The following CMSS1 variants were observed in gnomAD, a reference collection of about 807,000 sequenced individuals.
CMSS1 encodes protein CMSS1.
Under a neutral mutation model 43.5 loss-of-function variants are expected in CMSS1, and 33 were observed. That is an observed-to-expected ratio of 0.76 (90% CI 0.57 to 1.01). The LOEUF is 1.01. CMSS1 is among the 50% of genes least tolerant of loss of function. The pLI is 0.00. For synonymous variants in CMSS1, 115 were observed against 117.2 expected (o/e 0.98, Z 0.12); for missense variants, 313 against 326.4 (o/e 0.96, Z 0.32).
At chr3:100,117,674 A>G (rs549680701) in intron 1 of CMSS1, among the ~76,000 whole-genome samples, 1 of 151,694 alleles carries the variant, frequency 6.6e-6, no homozygotes, top group Non-Finnish European at 1.5e-5. Context: ...CTAATGTAAA[A>G]TATCTCAGTA....
chr3:99,984,606 C>G (rs960170041), intron 1 of CMSS1, among the ~76,000 whole-genome samples: 1 of 152,176 alleles, frequency 6.6e-6, no homozygotes, highest in South Asian at 2.1e-4. Context: ...CCAAAATTTC[C>G]CCCTTCAAGT....
intron 2 of CMSS1, among the ~76,000 whole-genome samples, chr3:100,151,855 G>T (rs938946722): frequency 1.3e-5 from 2 of 152,104 alleles, no homozygotes; most frequent in African/African-American, 4.8e-5. Flanking sequence ...CCAAAATCTT[G>T]TCATCTAAAT....
intron 1 of CMSS1, chr3:100,115,138 G>C: frequency 1.6e-6 from 1 of 619,116 alleles, no homozygotes; most frequent in South Asian, 1.8e-5. Context: ...GGGTTGGATA[G>C]AAGGGAGGAG....
chr3:100,085,844 A>T (rs561592587), intron 1 of CMSS1, among the ~76,000 whole-genome samples: 1 of 152,358 alleles, frequency 6.6e-6, no homozygotes, highest in Admixed American at 6.5e-5. Flanking sequence ...CTCGACTAGC[A>T]GGAAAAGAGG....
At chr3:100,117,827 A>ATG (rs1242035301) in intron 1 of CMSS1, among the ~76,000 whole-genome samples, 63 of 81,992 alleles carry the variant, frequency 7.7e-4, no homozygotes, top group African/African-American at 3.5e-3. Context: ...AAACTGCAGT[A>ATG]TATATATATA....
intron 1 of CMSS1, among the ~76,000 whole-genome samples, chr3:99,932,044 G>C (rs1310453161): frequency 6.6e-6 from 1 of 152,046 alleles, no homozygotes; most frequent in Non-Finnish European, 1.5e-5. Flanking sequence ...GAAAAGTATA[G>C]AAACCATAAC....
intron 1 of CMSS1, among the ~76,000 whole-genome samples, chr3:100,144,167 C>G (rs2066828120): frequency 6.6e-6 from 1 of 151,838 alleles, no homozygotes; most frequent in South Asian, 2.1e-4. Context: ...GGGGTTGGTC[C>G]CCTATCTTCC....
intron 1 of CMSS1, among the ~76,000 whole-genome samples, chr3:100,014,887 C>CTTTTTTTTTTTTTTTTTTTTTTTTTTTT (rs1559725867): frequency 9.2e-5 from 3 of 32,462 alleles, no homozygotes; most frequent in African/African-American, 1.2e-4. Context: ...TTTTTTTTTT[C>CTTTTTTTTTTTTTTTTTTTTTTTTTTTT]TTTCTTTCTT....
At chr3:100,173,225 G>A (rs904061418) in intron 8 of CMSS1, among the ~76,000 whole-genome samples, 17 of 152,140 alleles carry the variant, frequency 1.1e-4, no homozygotes, top group African/African-American at 4.1e-4. Flanking sequence ...CCCACTATAT[G>A]CAGAGTTTTG....
At chr3:100,091,688 C>T (rs2066112833) in intron 1 of CMSS1, among the ~76,000 whole-genome samples, 1 of 152,188 alleles carries the variant, frequency 6.6e-6, no homozygotes, top group African/African-American at 2.4e-5. Context: ...CTGTTTCTGC[C>T]ATCTCTGACA....
intron 1 of CMSS1, among the ~76,000 whole-genome samples, chr3:99,956,993 C>A (rs1350650050): frequency 2.6e-5 from 4 of 152,206 alleles, no homozygotes; most frequent in African/African-American, 9.6e-5. Flanking sequence ...AGGGCTCTAG[C>A]TGGATTTAAT....
intron 1 of CMSS1, among the ~76,000 whole-genome samples, chr3:100,026,708 A>G (rs1057085825): frequency 1.3e-5 from 2 of 152,070 alleles, no homozygotes; most frequent in African/African-American, 4.8e-5. Context: ...TCAGAATCTG[A>G]TCACTTCTTA....
chr3:100,041,862 C>T (rs760927058), intron 1 of CMSS1, among the ~76,000 whole-genome samples: 4 of 152,100 alleles, frequency 2.6e-5, no homozygotes, highest in Non-Finnish European at 5.9e-5. Flanking sequence ...AAGTATATCA[C>T]ATGCTGACCC....
intron 1 of CMSS1, among the ~76,000 whole-genome samples, chr3:99,908,871 ATTGTGTGTGTGTGTGTGTTC>A (rs1006769395): frequency 1.3e-5 from 2 of 151,850 alleles, no homozygotes; most frequent in African/African-American, 4.8e-5. Flanking sequence ...AAAAATTCCT[ATTGTGTGTGTGTGTGTGTTC>A]TTTCTTTTAA....
At chr3:100,172,454 A>G (rs763043140) in intron 8 of CMSS1, 51 bp downstream of exon 8, 11 of 1,373,796 alleles carry the variant, frequency 8.0e-6, no homozygotes, top group Non-Finnish European at 1.0e-6. Flanking sequence ...AGTTTGCCTT[A>G]CCTACATGTG....
intron 1 of CMSS1, among the ~76,000 whole-genome samples, chr3:100,071,090 C>CT (rs61563009): frequency 0.26 from 18,403 of 70,820 alleles, 2,556 homozygotes; most frequent in Admixed American, 0.29. Flanking sequence ...GCTACTCTCT[C>CT]TTTTTTTTTT....
intron 1 of CMSS1, among the ~76,000 whole-genome samples, chr3:99,900,852 C>G (rs914730047): frequency 2.0e-5 from 3 of 152,164 alleles, no homozygotes; most frequent in African/African-American, 7.2e-5. Context: ...TCTGGTGATT[C>G]TTACATGTAG....
At chr3:99,926,335 T>C (rs1707291788) in intron 1 of CMSS1, among the ~76,000 whole-genome samples, 1 of 152,242 alleles carries the variant, frequency 6.6e-6, no homozygotes, top group Non-Finnish European at 1.5e-5. Flanking sequence ...GCCAGTCCTT[T>C]TGTGAAAGCT....
rs953499397 is a variant in CMSS1, at chr3:100,160,614, A to G, written c.225+113A>G. ...TAATCCCCACCTAAGAGATGCAGAC[A>G]TTGTAAGATTCTTTGAGGTTTGGTG... On this transcript the variant is annotated intron_variant, in intron 3 of 9. Transcript: ENST00000421999. 1.8e-5 allele frequency: 11 copies of G among 598,512 alleles called. No homozygotes were observed. In the African/African-American group the frequency reaches 2.1e-4, roughly 11 times the overall value. 37.1% of individuals were successfully genotyped at this position (598,512 alleles called of 1,614,324 possible).
Sources: gnomAD v4.1 joint callset for allele counts (sites outside exome capture counted in the v4.1 genomes callset) on GRCh38, gnomAD v4.1.1 for gene constraint, MANE v1.5 for transcripts, NCBI Gene and HGNC (gene_info 2026-07-23, HGNC 2026-07-21) for gene names.